The following CNST variants were observed in gnomAD, a reference collection of about 807,000 sequenced individuals.
CNST encodes consortin, connexin sorting protein, also known as consortin.
A neutral mutation model predicts 72.4 loss-of-function variants in CNST; 39 were observed. The ratio of observed to expected loss-of-function variants is 0.54; its 90% CI spans 0.42 to 0.70. The LOEUF (loss-of-function observed/expected upper bound fraction) is 0.70. Among genes scored for constraint, CNST ranks in the 30% least tolerant of loss-of-function variants. The pLI, the probability that CNST is intolerant of heterozygous loss-of-function variation, is 0.00. For missense variants in CNST, 871 were observed against 868.5 expected (o/e 1.00, Z -0.04); for synonymous variants, 332 against 320.1 (o/e 1.04, Z -0.40).
At position 246,622,080 on chromosome 1, in the gene CNST, C is replaced by T. The variant is rs532388767; in HGVS notation, c.585+446C>T. Among the ~76,000 whole-genome samples the T allele has an allele frequency of 1.3e-3, 195 of 152,228 alleles. 1 individual carries two copies. The highest frequency in any genetic ancestry group is 4.4e-3 in the African/African-American group (184 of 41,528). ...GTGTCCCACTCATCACTGGTGAGCC[C>T]GGGGGAGGGTGACCCTCGTGGGATA... On this transcript the variant is annotated intron_variant, in intron 3 of 10. Transcript: ENST00000366513.
At chr1:246,572,074 T>A (rs1660100465) in intron 1 of CNST, among the ~76,000 whole-genome samples, 1 of 152,158 alleles carries the variant, frequency 6.6e-6, no homozygotes, top group South Asian at 2.1e-4. Context: ...AAAATGGTTT[T>A]TGGCCAGTCA....
chr1:246,647,490 A>G lies in CNST; in HGVS notation c.1289A>G (p.Lys430Arg). 6.2e-7 allele frequency: 1 copy of G among 1,614,218 alleles called. No individual in the cohort carries two copies. The highest frequency in any genetic ancestry group is 8.5e-7 in the Non-Finnish European group (1 of 1,180,046). Residue 430 changes from lysine (K) to arginine (R), a missense_variant, in exon 9 of 11, where the codon AAG (lysine) becomes AGG (arginine). By Grantham distance (26) the Lys-to-Arg change is conservative. Coordinates refer to ENST00000366513, the MANE Select transcript of CNST (RefSeq NM_152609.3). ...AAGGTGTTTCTTTCCAGCAAGTCAA[A>G]GACAGAGCCGTTGATTTCACCAGGC... ...DPKVFLSSKS[K>R]TEPLISPGCD... is the part of the protein sequence containing the mutation.
intron 1 of CNST, among the ~76,000 whole-genome samples, chr1:246,590,119 C>G (rs763965631): frequency 4.7e-4 from 71 of 152,124 alleles, no homozygotes; most frequent in Non-Finnish European, 7.9e-4. Flanking sequence ...GGAGCTTTGG[C>G]AGACTTGCAT....
intron 1 of CNST, among the ~76,000 whole-genome samples, chr1:246,571,882 C>G (rs1660092184): frequency 6.6e-6 from 1 of 152,130 alleles, no homozygotes; most frequent in Non-Finnish European, 1.5e-5. Flanking sequence ...TAGAAATTAA[C>G]ATTATTTTGC....
At chr1:246,660,145 G>T in intron 9 of CNST, 54 bp from the exon 10 acceptor site, 1 of 1,498,946 alleles carries the variant, frequency 6.7e-7, no homozygotes, top group Non-Finnish European at 9.0e-7. Context: ...ATAGCTACAT[G>T]TAGAGATGTC....
At chr1:246,582,073 A>C (rs1288854224) in intron 1 of CNST, among the ~76,000 whole-genome samples, 2 of 152,178 alleles carry the variant, frequency 1.3e-5, no homozygotes, top group Admixed American at 1.3e-4. Context: ...TAATAACCTT[A>C]TATGTATGTA....
At chr1:246,587,577 T>G (rs996052764) in intron 1 of CNST, among the ~76,000 whole-genome samples, 1 of 152,226 alleles carries the variant, frequency 6.6e-6, no homozygotes, top group African/African-American at 2.4e-5. Flanking sequence ...CAAAGAGGTA[T>G]TTAAAACCAA....
Position 246,591,497 on chromosome 1 carries a change from T to G in CNST, c.-51-15T>G, listed in dbSNP as rs890972228. 3.8e-6 allele frequency: 6 copies of G among 1,565,146 alleles called. No homozygotes were observed. Among genetic ancestry groups the G allele is most frequent in the Non-Finnish European group, 3.5e-6 (4 of 1,152,586 alleles). On this transcript the variant is annotated splice_polypyrimidine_tract_variant and intron_variant, in intron 1 of 10. Transcript: ENST00000366513. ...GTTAGAAAATGAAGTAGCTTTTTTC[T>G]TTTTGTCATTGTAGACATGGAAGGT...
chr1:246,652,928 T>C (rs6689251), intron 9 of CNST, among the ~76,000 whole-genome samples: 7,820 of 148,328 alleles, frequency 0.053, 647 homozygotes, highest in African/African-American at 0.18. Context: ...GGCGTGAACC[T>C]GGGAGGCGGA....
intron 3 of CNST, among the ~76,000 whole-genome samples, chr1:246,623,369 G>T (rs1033528421): frequency 1.2e-4 from 19 of 152,168 alleles, no homozygotes; most frequent in Admixed American, 9.2e-4. Context: ...AACAGAATTT[G>T]TCTCTAATCC....
intron 9 of CNST, among the ~76,000 whole-genome samples, chr1:246,656,919 G>A (rs72764603): frequency 0.057 from 8,672 of 152,106 alleles, 459 homozygotes; most frequent in East Asian, 0.2. Context: ...AACAGAGTGC[G>A]ACCCTCTCTC....
Position 246,665,855 on chromosome 1 carries a change from A to G in CNST, c.2128A>G (p.Lys710Glu). ...FADNMDFYYT[K>E]LLQGVAELKH... The stretch of plus-strand genomic sequence containing the variant: ...AGACAACATGGACTTCTATTACACT[A>G]AGTTACTTCAGGGAGTGGCAGAACT... The change falls in exon 11 of 11, where the codon AAG (lysine) becomes GAG (glutamate). Residue 710 changes from lysine to glutamate, a missense_variant. Coordinates refer to ENST00000366513, the MANE Select transcript of CNST (RefSeq NM_152609.3). The G allele has an allele frequency of 6.2e-7, 1 of 1,613,998 alleles. No homozygotes were observed. The highest frequency in any genetic ancestry group is 8.5e-7 in the Non-Finnish European group (1 of 1,179,934).
chr1:246,571,765 G>A (rs997240924), intron 1 of CNST, among the ~76,000 whole-genome samples: 13 of 152,104 alleles, frequency 8.5e-5, no homozygotes, highest in Non-Finnish European at 1.3e-4. Context: ...TCCTCCTGCT[G>A]TAGCCTCCTG....
At chr1:246,599,305 T>C (rs1398891335) in intron 2 of CNST, among the ~76,000 whole-genome samples, 1 of 152,254 alleles carries the variant, frequency 6.6e-6, no homozygotes, top group Admixed American at 6.5e-5. Context: ...CTTACAGTTC[T>C]GTAGATGAAG....
Position 246,648,126 on chromosome 1 carries a change from TC to T in CNST, c.1836+92del, listed in dbSNP as rs1190310607. ...AATATTGCCTTGTTTTTGTAAGTTT[TC>T]CCTTGTCTCAAACATGAGGGAAAAT... On this transcript the variant is annotated intron_variant, in intron 9 of 10. Transcript: ENST00000366513. 27 of 1,478,138 alleles carry T rather than the reference TC, an allele frequency of 1.8e-5. No individual in the cohort carries two copies. The African/African-American group carries it at 3.9e-4, about 21-fold the overall frequency. 91.6% of individuals were successfully genotyped at this position (1,478,138 alleles called of 1,614,324 possible).
intron 8 of CNST, among the ~76,000 whole-genome samples, chr1:246,643,578 T>TG (rs1378299322): frequency 2.0e-5 from 3 of 152,216 alleles, no homozygotes; most frequent in African/African-American, 7.2e-5. Flanking sequence ...TTCAGTCACT[T>TG]GCTTGGTGCT....
chr1:246,566,853 C>G, intron 1 of CNST, 190 bp downstream of exon 1: 1 of 394,058 alleles, frequency 2.5e-6, no homozygotes, highest in Non-Finnish European at 4.5e-6. Flanking sequence ...CCTCTCCTTT[C>G]TCAGCTACTG....
rs532075825 is a variant in CNST, at chr1:246,634,413, T to G, written c.704-60T>G. 14 of 947,980 alleles carry G rather than the reference T, an allele frequency of 1.5e-5. No individual in the cohort carries two copies. In the African/African-American group the frequency reaches 2.0e-4, roughly 14 times the overall value. The allele number at this position is 947,980 out of a possible 1,614,324, so 58.7% of individuals were successfully genotyped here. ...GTGGTGCTAGTTAACTGTTTGTTTG[T>G]TTTTTTGCTCCTAAATATGTTTTAT... On this transcript the variant is annotated intron_variant, in intron 5 of 10. Transcript: ENST00000366513.
At chr1:246,640,305 G>A (rs1252105966) in intron 6 of CNST, among the ~76,000 whole-genome samples, 1 of 152,182 alleles carries the variant, frequency 6.6e-6, no homozygotes, top group Non-Finnish European at 1.5e-5. Flanking sequence ...TAATGTTTAT[G>A]TGTTGTAGTA....
Sources: gnomAD v4.1 joint callset for allele counts (sites outside exome capture counted in the v4.1 genomes callset) on GRCh38, gnomAD v4.1.1 for gene constraint, MANE v1.5 for transcripts, NCBI Gene and HGNC (gene_info 2026-07-23, HGNC 2026-07-21) for gene names.